Variants in TSHZ2 observed in about 807,000 individuals in gnomAD.
The protein encoded by TSHZ2 is teashirt zinc finger homeobox 2.
Under a neutral mutation model 74.4 loss-of-function variants are expected in TSHZ2, and 21 were observed. The observed-to-expected ratio is 0.28, with a 90% CI of 0.20 to 0.41. The LOEUF is 0.41. Ranked by LOEUF, TSHZ2 falls within the 10% of genes least tolerant of loss-of-function variation. The pLI is 1.00. For synonymous variants in TSHZ2, 540 were observed against 515.3 expected, an observed-to-expected ratio of 1.05 and a Z score of -0.65; for missense variants, 1,244 against 1,293.5, an observed-to-expected ratio of 0.96 and a Z score of 0.59.
chr20:53,324,575 C>T (rs1473730449), intron 2 of TSHZ2, among the ~76,000 whole-genome samples: 1 of 151,970 alleles, frequency 6.6e-6, no homozygotes, highest in African/African-American at 2.4e-5. Flanking sequence ...GGGGTTTCAC[C>T]GTGTTGCTTA....
At chr20:53,119,078 A>G (rs1459930918) in intron 1 of TSHZ2, among the ~76,000 whole-genome samples, 1 of 152,142 alleles carries the variant, frequency 6.6e-6, no homozygotes, top group Non-Finnish European at 1.5e-5. Context: ...ACTCACCCCC[A>G]TGATCCAACC....
At chr20:53,058,687 C>A (rs531497166) in intron 1 of TSHZ2, among the ~76,000 whole-genome samples, 2 of 152,286 alleles carry the variant, frequency 1.3e-5, no homozygotes, top group South Asian at 4.1e-4. Flanking sequence ...GTTTGTGGAA[C>A]AAGGCTGAGT....
intron 1 of TSHZ2, among the ~76,000 whole-genome samples, chr20:53,042,856 A>G (rs1984093826): frequency 6.6e-6 from 1 of 152,198 alleles, no homozygotes; most frequent in African/African-American, 2.4e-5. Flanking sequence ...TGCTGGCACA[A>G]ATGTGCAAGG....
At chr20:53,155,626 C>T (rs1390574713) in intron 1 of TSHZ2, among the ~76,000 whole-genome samples, 3 of 151,976 alleles carry the variant, frequency 2.0e-5, no homozygotes, top group Non-Finnish European at 4.4e-5. Context: ...ACTCAATGCA[C>T]AATATCTTCC....
chr20:53,452,939 T>C (rs1181703472), intron 2 of TSHZ2: 1 of 152,226 alleles, frequency 6.6e-6, no homozygotes, highest in Non-Finnish European at 1.5e-5. Flanking sequence ...TTATTCACCG[T>C]AATTTTGTCG....
chr20:53,308,451 T>G lies in TSHZ2; in HGVS notation c.*8+51880T>G, dbSNP rs545878217. ...CAGGGCGTCTCGATGGTGATGTGTA[T>G]GTATGTACACGTGCAGCCGGAAAAT... On this transcript the variant is annotated intron_variant, in intron 2 of 2. Coordinates refer to ENST00000371497, the MANE Select transcript of TSHZ2 (RefSeq NM_173485.6). 4.6e-5 allele frequency among the ~76,000 whole-genome samples: 7 copies of G among 152,176 alleles called. No individual in the cohort carries two copies. The South Asian group carries it at 1.0e-3, about 23-fold the overall frequency.
chr20:53,035,202 T>G (rs980892626), intron 1 of TSHZ2, among the ~76,000 whole-genome samples: 2 of 152,148 alleles, frequency 1.3e-5, no homozygotes, highest in African/African-American at 4.8e-5. Context: ...TGGTTGCTTC[T>G]CCACTCTCCT....
chr20:53,127,403 A>G (rs1005180), intron 1 of TSHZ2, among the ~76,000 whole-genome samples: 46,194 of 152,182 alleles, frequency 0.3, 7,525 homozygotes, highest in African/African-American at 0.42. Flanking sequence ...AAGGGAGAGG[A>G]TAACTAGAAA....
At chr20:53,273,979 G>A (rs977202689) in intron 2 of TSHZ2, among the ~76,000 whole-genome samples, 6 of 152,094 alleles carry the variant, frequency 3.9e-5, no homozygotes, top group Admixed American at 6.6e-5. Flanking sequence ...AATCCATTCC[G>A]ATAAAAGTAA....
In TSHZ2 at chr20:53,281,086, C is replaced by A. The variant is rs183151059; in HGVS notation, c.*8+24515C>A. On this transcript the variant is annotated intron_variant, in intron 2 of 2. Transcript: ENST00000371497. ...GGCAAAGAAAGCCTCTGGCCTCATG[C>A]AGTTTATGTGCTGTTGCTGTCATGG... Among the ~76,000 whole-genome samples the A allele has an allele frequency of 3.9e-5, 6 of 152,308 alleles. No individual in the cohort carries two copies. In the East Asian group the frequency reaches 9.6e-4, roughly 24 times the overall value.
intron 1 of TSHZ2, among the ~76,000 whole-genome samples, chr20:52,987,679 G>A (rs2122902994): frequency 6.6e-6 from 1 of 152,264 alleles, no homozygotes; most frequent in East Asian, 1.9e-4. Context: ...GTTACAGCGA[G>A]GAAATGCATG....
At chr20:53,081,406 C>T (rs907251934) in intron 1 of TSHZ2, among the ~76,000 whole-genome samples, 6 of 152,176 alleles carry the variant, frequency 3.9e-5, no homozygotes, top group Admixed American at 1.3e-4. Flanking sequence ...CATTTGTGTA[C>T]GTGTGACTTC....
chr20:53,449,759 G>C (rs189409685), intron 2 of TSHZ2, among the ~76,000 whole-genome samples: 1 of 152,268 alleles, frequency 6.6e-6, no homozygotes, highest in East Asian at 1.9e-4. Context: ...TCTTTAATTA[G>C]ACTGACTACT....
intron 1 of TSHZ2, among the ~76,000 whole-genome samples, chr20:53,184,898 G>T (rs1243227989): frequency 6.6e-6 from 1 of 151,968 alleles, no homozygotes; most frequent in Non-Finnish European, 1.5e-5. Context: ...AGTATAGATG[G>T]GATTTCACCA....
intron 1 of TSHZ2, among the ~76,000 whole-genome samples, chr20:53,061,214 G>A (rs937657562): frequency 2.0e-5 from 3 of 152,172 alleles, no homozygotes; most frequent in South Asian, 2.1e-4. Context: ...TAGAGGTAAG[G>A]TTGGAGAATT....
At chr20:53,240,771 A>ATAGG (rs1990049709) in intron 1 of TSHZ2, among the ~76,000 whole-genome samples, 2 of 150,466 alleles carry the variant, frequency 1.3e-5, no homozygotes, top group Admixed American at 6.7e-5. Context: ...AGATAGATAG[A>ATAGG]TATGGTTTTT....
intron 1 of TSHZ2, among the ~76,000 whole-genome samples, chr20:53,117,525 A>G (rs1986703088): frequency 6.6e-6 from 1 of 152,212 alleles, no homozygotes; most frequent in Non-Finnish European, 1.5e-5. Flanking sequence ...GCTAAGTGCC[A>G]TTGTGCACAT....
chr20:53,280,838 G>A (rs1020786380), intron 2 of TSHZ2, among the ~76,000 whole-genome samples: 1 of 152,034 alleles, frequency 6.6e-6, no homozygotes, highest in African/African-American at 2.4e-5. Flanking sequence ...GACTAGAGGT[G>A]CGTGCCACGA....
intron 2 of TSHZ2, among the ~76,000 whole-genome samples, chr20:53,379,505 C>T (rs962823935): frequency 6.6e-6 from 1 of 152,050 alleles, no homozygotes. Flanking sequence ...GACACTAACT[C>T]AAGGATCTAG....
Sources: gnomAD v4.1 joint callset for allele counts (sites outside exome capture counted in the v4.1 genomes callset) on GRCh38, gnomAD v4.1.1 for gene constraint, MANE v1.5 for transcripts, NCBI Gene and HGNC (gene_info 2026-07-23, HGNC 2026-07-21) for gene names.